The following MICAL2 variants were observed in gnomAD, a reference collection of about 807,000 sequenced individuals.
MICAL2 encodes [F-actin]-monooxygenase MICAL2.
A neutral mutation model predicts 127.3 loss-of-function variants in MICAL2; 77 were observed. The ratio of observed to expected loss-of-function variants is 0.60; its 90% CI spans 0.50 to 0.73. The LOEUF is 0.73. Ranked by LOEUF, MICAL2 falls within the 30% of genes least tolerant of loss-of-function variation. The pLI is 0.00. For synonymous variants in MICAL2, 570 were observed against 551.1 expected (o/e 1.03, Z -0.48); for missense variants, 1,351 against 1,434.4 (o/e 0.94, Z 0.94).
At chr11:12,257,886 C>T (rs7127836) in intron 24 of MICAL2, among the ~76,000 whole-genome samples, 50,250 of 151,978 alleles carry the variant, frequency 0.33, 8,700 homozygotes, top group East Asian at 0.48. Context: ...TTTCCCAGTG[C>T]GTGCCCCGTC....
intron 1 of MICAL2, among the ~76,000 whole-genome samples, chr11:12,129,087 A>C (rs974227442): frequency 3.3e-5 from 5 of 152,118 alleles, no homozygotes; most frequent in African/African-American, 1.2e-4. Flanking sequence ...TATTATATAG[A>C]TGTGGGTGTA....
intron 27 of MICAL2, chr11:12,262,920 G>A (rs1863322199): frequency 5.5e-6 from 1 of 183,426 alleles, no homozygotes; most frequent in Non-Finnish European, 1.1e-5. Flanking sequence ...AACACTTTTT[G>A]AGCAGCCTCA....
intron 1 of MICAL2, chr11:12,276,195 C>G: frequency 5.0e-6 from 2 of 397,252 alleles, no homozygotes; most frequent in Non-Finnish European, 8.9e-6. Flanking sequence ...CAGATGGGGA[C>G]AGAAGCGGGG....
downstream of MICAL2, chr11:12,358,493 C>A (rs200383501): frequency 2.2e-5 from 35 of 1,611,236 alleles, no homozygotes; most frequent in Non-Finnish European, 3.0e-5. Flanking sequence ...GGCCCGTAGT[C>A]CCTCTCCCTG....
chr11:12,286,094 C>T (rs895798706), intron 2 of MICAL2, among the ~76,000 whole-genome samples: 1 of 152,246 alleles, frequency 6.6e-6, no homozygotes, highest in African/African-American at 2.4e-5. Context: ...TGTTTTTCTT[C>T]TGCATGTGAT....
intron 3 of MICAL2, among the ~76,000 whole-genome samples, chr11:12,189,839 G>T (rs1858848431): frequency 6.6e-6 from 1 of 152,194 alleles, no homozygotes; most frequent in Non-Finnish European, 1.5e-5. Context: ...TTCCCAGGCA[G>T]CTCCCAGCAG....
At chr11:12,138,228 T>C (rs1320208313) in intron 1 of MICAL2, among the ~76,000 whole-genome samples, 162 bp from the exon 2 acceptor site, 1 of 152,194 alleles carries the variant, frequency 6.6e-6, no homozygotes, top group Non-Finnish European at 1.5e-5. Context: ...GCAAAACTTG[T>C]TGGAGGCCAG....
Position 12,220,329 on chromosome 11 carries a change from C to G in MICAL2, c.1077C>G (p.Asn359Lys). The G allele has an allele frequency of 1.2e-6, 2 of 1,614,256 alleles. No homozygotes were observed. The highest frequency in any genetic ancestry group is 1.7e-6 in the Non-Finnish European group (2 of 1,180,050). The change falls in exon 9 of 28, where the codon AAC becomes AAG. Residue 359 changes from asparagine (N) to lysine (K), a missense_variant. This residue lies in a region of MICAL2 where 599 missense variants were observed against 714.9 expected (regional missense o/e 0.84). Transcript: ENST00000683283. ...TGCCATCCTTAGACTTTGCCATGAA[C>G]CACTATGGGCAGCCTGATGTGGCCA... Reference protein sequence around the residue: ...YQLPSLDFAMNHYGQPDVAMF... With the variant: ...YQLPSLDFAMKHYGQPDVAMF...
intron 9 of MICAL2, among the ~76,000 whole-genome samples, chr11:12,220,676 A>G (rs953771474): frequency 9.2e-5 from 14 of 152,190 alleles, no homozygotes; most frequent in African/African-American, 2.9e-4. Context: ...CTTCTCTCCT[A>G]TCTCCTGGCT....
At chr11:12,162,950 A>G (rs752761026) in intron 3 of MICAL2, among the ~76,000 whole-genome samples, 10 of 152,164 alleles carry the variant, frequency 6.6e-5, no homozygotes, top group Non-Finnish European at 1.5e-4. Context: ...GGGTGTGGAC[A>G]TTTTAGAAAG....
chr11:12,330,894 A>AGTGTGT (rs1435601274), intron 32 of MICAL2, among the ~76,000 whole-genome samples: 5 of 124,218 alleles, frequency 4.0e-5, no homozygotes, highest in Non-Finnish European at 8.5e-5. Context: ...AGAGAGAGAG[A>AGTGTGT]GAGAGAGTGT....
intron 3 of MICAL2, among the ~76,000 whole-genome samples, chr11:12,165,153 AAAG>A (rs1003699257): frequency 6.6e-5 from 7 of 105,504 alleles, no homozygotes; most frequent in African/African-American, 2.6e-4. Context: ...AAAAAAAAAA[AAAG>A]AAAAGAAAGA....
chr11:12,299,116 G>A (rs1864017648), intron 29 of MICAL2, among the ~76,000 whole-genome samples: 1 of 152,106 alleles, frequency 6.6e-6, no homozygotes, highest in South Asian at 2.1e-4. Context: ...GAACAGAATG[G>A]GAATGTACAG....
At chr11:12,289,431 C>T (rs764844228), downstream of MICAL2, among the ~76,000 whole-genome samples, 2 of 152,146 alleles carry the variant, frequency 1.3e-5, no homozygotes, top group Admixed American at 6.5e-5. Flanking sequence ...CTGGAATGGG[C>T]CAGGGCTTCA....
chr11:12,114,745 T>C (rs1386299287), intron 1 of MICAL2, among the ~76,000 whole-genome samples: 1 of 152,212 alleles, frequency 6.6e-6, no homozygotes. Flanking sequence ...TTTAAAAAAA[T>C]GACTTGCTTA....
At chr11:12,140,874 C>T (rs1017620533) in intron 2 of MICAL2, among the ~76,000 whole-genome samples, 1 of 152,168 alleles carries the variant, frequency 6.6e-6, no homozygotes, top group Admixed American at 6.5e-5. Flanking sequence ...TTCTACCCTT[C>T]CCCCACCAAC....
At chr11:12,172,868 G>C (rs1856435803) in intron 3 of MICAL2, among the ~76,000 whole-genome samples, 1 of 152,100 alleles carries the variant, frequency 6.6e-6, no homozygotes, top group Non-Finnish European at 1.5e-5. Flanking sequence ...GTTCTCTGGA[G>C]ATCTCTTTAT....
intron 2 of MICAL2, among the ~76,000 whole-genome samples, chr11:12,282,063 G>T (rs1183850346): frequency 6.6e-6 from 1 of 152,204 alleles, no homozygotes; most frequent in Non-Finnish European, 1.5e-5. Context: ...CACCTGGTCC[G>T]TGAAATGTTT....
At chr11:12,168,946 C>CAAAAA (rs66469229) in intron 3 of MICAL2, among the ~76,000 whole-genome samples, 19 of 115,174 alleles carry the variant, frequency 1.6e-4, no homozygotes, top group African/African-American at 6.3e-4. Flanking sequence ...GATCCTGTCT[C>CAAAAA]AAAAAAAAAA....
Sources: gnomAD v4.1 joint callset for allele counts (sites outside exome capture counted in the v4.1 genomes callset) on GRCh38, gnomAD v4.1.1 for gene constraint, gnomAD v4.1.1 regional missense constraint, MANE v1.5 for transcripts, NCBI Gene and HGNC (gene_info 2026-07-23, HGNC 2026-07-21) for gene names.